MPPED2: variants seen among roughly 807,000 people sequenced by gnomAD.
The protein encoded by MPPED2 is metallophosphoesterase MPPED2.
MPPED2 carries 5 observed loss-of-function variants against 33.0 expected under a neutral mutation model. That is an observed-to-expected ratio of 0.15 (90% confidence interval 0.08 to 0.32). The LOEUF is 0.32. MPPED2 is among the 10% of genes least tolerant of loss of function. MPPED2 has a pLI of 1.00. For synonymous variants in MPPED2, 136 were observed against 141.9 expected (o/e 0.96, Z 0.29); for missense variants, 275 against 372.1 (o/e 0.74, Z 2.15).
Position 30,410,961 on chromosome 11 carries a change from C to T in MPPED2, c.*507G>A, listed in dbSNP as rs1409658014. ...AGTATGAAAAGAAGTCTTTTCCATG[C>T]CTACTTCTGTTGAGAAGATTGCTAT... On this transcript the variant is annotated 3_prime_UTR_variant, in exon 7 of 7. Transcript: ENST00000358117. The T allele has an allele frequency of 1.0e-6, 1 of 985,558 alleles. No homozygotes were observed. Among genetic ancestry groups the T allele is most frequent in the Admixed American group, 6.2e-5 (1 of 16,250 alleles). 61.1% of individuals were successfully genotyped at this position (985,558 alleles called of 1,614,324 possible).
rs979886505 is a variant in MPPED2 at position 30,388,735 on chromosome 11, T to C, written c.*154A>G. The stretch of plus-strand genomic sequence containing the variant: ...CCACCAGGTGAGCTTCCCTGTCGCC[T>C]CCTCCTCATGCCTTCTTTGTCTTCA... On this transcript the variant is annotated 3_prime_UTR_variant, in exon 7 of 7. Transcript: ENST00000448418. 36 of 1,032,158 alleles carry C rather than the reference T, an allele frequency of 3.5e-5. No homozygotes were observed. In the African/African-American group the frequency reaches 5.8e-4, roughly 17 times the overall value. The allele number at this position is 1,032,158 out of a possible 1,614,324, so 63.9% of individuals were successfully genotyped here.
intron 6 of MPPED2, among the ~76,000 whole-genome samples, chr11:30,399,153 G>T (rs1947876219): frequency 9.1e-6 from 1 of 109,290 alleles, no homozygotes; most frequent in South Asian, 2.9e-4. Context: ...ATTAAAAAAA[G>T]ATCCAATACT....
At chr11:30,571,472 T>G (rs1040681714) in intron 2 of MPPED2, among the ~76,000 whole-genome samples, 28 of 152,014 alleles carry the variant, frequency 1.8e-4, no homozygotes, top group African/African-American at 6.5e-4. Flanking sequence ...AAGTGTACCT[T>G]TTACATTAAA....
chr11:30,557,924 G>A (rs965345844), intron 2 of MPPED2, among the ~76,000 whole-genome samples: 11 of 152,278 alleles, frequency 7.2e-5, no homozygotes, highest in Non-Finnish European at 1.3e-4. Flanking sequence ...TTCCTTGGGC[G>A]TGTTGAACTG....
intron 4 of MPPED2, among the ~76,000 whole-genome samples, chr11:30,461,609 G>C (rs1950521054): frequency 1.3e-5 from 2 of 152,044 alleles, no homozygotes; most frequent in African/African-American, 4.8e-5. Flanking sequence ...GCCTGTTGCA[G>C]GATAAAAAGA....
chr11:30,513,998 C>T (rs1478959716), intron 3 of MPPED2, among the ~76,000 whole-genome samples: 4 of 152,148 alleles, frequency 2.6e-5, no homozygotes, highest in Non-Finnish European at 1.5e-5. Flanking sequence ...CCTCAAGGTG[C>T]CATGCAAAGA....
At chr11:30,399,179 C>T (rs189584880) in intron 6 of MPPED2, among the ~76,000 whole-genome samples, 18 of 151,324 alleles carry the variant, frequency 1.2e-4, no homozygotes, top group African/African-American at 3.6e-4. Flanking sequence ...TTTTAATAAA[C>T]AACATTGTGA....
At position 30,454,568 on chromosome 11, in the gene MPPED2, A is replaced by T. The variant is rs1950200132; in HGVS notation, c.537-36935T>A. Among the ~76,000 whole-genome samples, 3 of 151,740 alleles carry T rather than the reference A, an allele frequency of 2.0e-5. No homozygotes were observed. In the South Asian group the frequency reaches 6.3e-4, roughly 32 times the overall value. On this transcript the variant is annotated intron_variant, in intron 4 of 6. Coordinates refer to ENST00000358117, the MANE Select transcript of MPPED2 (RefSeq NM_001584.3). ...AAGTCATGACCTAGTTTAAAAAAAA[A>T]GTTGCCTGAAATTTGATAATTTGAT...
At chr11:30,579,828 GA>G (rs10589055) in intron 2 of MPPED2, among the ~76,000 whole-genome samples, 61,887 of 145,282 alleles carry the variant, frequency 0.43, 13,084 homozygotes, top group South Asian at 0.53. Flanking sequence ...TGAGGTGTGG[GA>G]AAAAAAAAAA....
intron 1 of MPPED2, among the ~76,000 whole-genome samples, chr11:30,583,246 C>T (rs138421336): frequency 2.4e-4 from 34 of 143,250 alleles, no homozygotes; most frequent in Non-Finnish European, 3.6e-4. Flanking sequence ...TGAAACAAGA[C>T]AGAAGGATAC....
At chr11:30,474,657 C>CACAAGAGG (rs1951100051) in intron 4 of MPPED2, among the ~76,000 whole-genome samples, 1 of 152,030 alleles carries the variant, frequency 6.6e-6, no homozygotes, top group African/African-American at 2.4e-5. Flanking sequence ...CAGCAGCCAC[C>CACAAGAGG]ACAAGAGGAG....
intron 4 of MPPED2, among the ~76,000 whole-genome samples, chr11:30,418,777 C>G (rs1330454094): frequency 6.6e-6 from 1 of 152,212 alleles, no homozygotes; most frequent in Non-Finnish European, 1.5e-5. Context: ...TGCACACTTA[C>G]TTAAAGCCAG....
intron 6 of MPPED2, among the ~76,000 whole-genome samples, chr11:30,397,530 G>A (rs945553693): frequency 1.3e-5 from 2 of 152,096 alleles, no homozygotes; most frequent in Non-Finnish European, 2.9e-5. Context: ...TCATCGGATT[G>A]TTCTGAGATT....
chr11:30,447,915 A>G (rs1309485353), intron 4 of MPPED2, among the ~76,000 whole-genome samples: 1 of 152,156 alleles, frequency 6.6e-6, no homozygotes, highest in Non-Finnish European at 1.5e-5. Flanking sequence ...CCCCTTAAGA[A>G]TGTGAAGAAA....
At chr11:30,537,844 T>C (rs896851783) in intron 2 of MPPED2, among the ~76,000 whole-genome samples, 3 of 152,180 alleles carry the variant, frequency 2.0e-5, no homozygotes, top group Non-Finnish European at 4.4e-5. Context: ...GTGATCTCAT[T>C]AGTAACCTGG....
intron 4 of MPPED2, among the ~76,000 whole-genome samples, chr11:30,434,644 C>T (rs2133863667): frequency 6.6e-6 from 1 of 152,262 alleles, no homozygotes; most frequent in South Asian, 2.1e-4. Flanking sequence ...ACGGAGATAA[C>T]ACAGTCTAAC....
exon 7 of MPPED2, chr11:30,388,874 C>T (rs1399163332): frequency 1.3e-6 from 2 of 1,547,614 alleles, no homozygotes; most frequent in South Asian, 1.2e-5. Flanking sequence ...TGTGTCTATG[C>T]CAGTTTCCTC....
intron 1 of MPPED2, among the ~76,000 whole-genome samples, chr11:30,582,711 C>G (rs1482325891): frequency 1.3e-5 from 2 of 152,192 alleles, no homozygotes; most frequent in Non-Finnish European, 2.9e-5. Flanking sequence ...AGCAGCTGAT[C>G]AATTTGCACT....
downstream of MPPED2, among the ~76,000 whole-genome samples, chr11:30,408,383 C>T (rs183569690): frequency 2.0e-5 from 3 of 152,336 alleles, no homozygotes; most frequent in Admixed American, 1.3e-4. Context: ...TCTCTCGGCG[C>T]TCACTGCAAC....
Sources: gnomAD v4.1 joint callset for allele counts (sites outside exome capture counted in the v4.1 genomes callset) on GRCh38, gnomAD v4.1.1 for gene constraint, MANE v1.5 for transcripts, NCBI Gene and HGNC (gene_info 2026-07-23, HGNC 2026-07-21) for gene names.